The following SYNPO variants were observed in gnomAD, a reference collection of about 807,000 sequenced individuals.
SYNPO encodes the protein synaptopodin.
In SYNPO, 19 loss-of-function variants were observed where a neutral mutation model predicts 49.5. That is an observed-to-expected ratio of 0.38 (90% CI 0.27 to 0.56). The LOEUF (loss-of-function observed/expected upper bound fraction) is 0.56. SYNPO is among the 20% of genes least tolerant of loss of function. SYNPO has a pLI of 0.68. For missense variants in SYNPO, 1,131 were observed against 1,248.3 expected (o/e 0.91, Z 1.42); for synonymous variants, 536 against 548.0 (o/e 0.98, Z 0.31).
intron 1 of SYNPO, chr5:150,615,086 CTAT>C (rs1284922089): frequency 1.6e-4 from 25 of 152,348 alleles, no homozygotes; most frequent in African/African-American, 5.5e-4. Context: ...GTGGCAGCTG[CTAT>C]TATTGTTTCG....
At chr5:150,598,580 T>C (rs1213277239), upstream of SYNPO, among the ~76,000 whole-genome samples, 1 of 152,226 alleles carries the variant, frequency 6.6e-6, no homozygotes. Flanking sequence ...GCGGTTTTCT[T>C]ATTATTTTAT....
chr5:150,628,794 G>A (rs1273489977), intron 2 of SYNPO, among the ~76,000 whole-genome samples: 1 of 152,168 alleles, frequency 6.6e-6, no homozygotes, highest in African/African-American at 2.4e-5. Context: ...TGTAATCTCA[G>A]CTCCTCAGAA....
chr5:150,588,071 A>G, the SYNPO span, among the ~76,000 whole-genome samples: 2 of 152,216 alleles, frequency 1.3e-5, no homozygotes, highest in African/African-American at 4.8e-5. Flanking sequence ...ACAATGAGTC[A>G]GTGTACAGTA....
Position 150,649,607 on chromosome 5 carries a change from G to A in SYNPO, c.1332G>A (p.Ala444=), listed in dbSNP as rs775723716. ...CTCGTGACAGGGCCAGCCCCGCGGCGGCGGAGGAGGTGGTACCAGAGTGGG... is the reference window on the plus strand; with the variant it reads ...CTCGTGACAGGGCCAGCCCCGCGGCAGCGGAGGAGGTGGTACCAGAGTGGG... ...PAPRDRASPA[A]AEEVVPEWAS... Residue 444 remains alanine, a synonymous_variant, in exon 2 of 3, where the codon GCG becomes GCA. Coordinates refer to ENST00000307662, the MANE Select transcript of SYNPO (RefSeq NM_007286.6). The A allele has an allele frequency of 5.0e-5, 80 of 1,608,900 alleles. No homozygotes were observed. The highest frequency in any genetic ancestry group is 5.5e-5 in the Non-Finnish European group (65 of 1,179,062).
upstream of SYNPO, among the ~76,000 whole-genome samples, chr5:150,637,466 T>C (rs1052767039): frequency 6.6e-6 from 1 of 152,114 alleles, no homozygotes; most frequent in Non-Finnish European, 1.5e-5. Context: ...GCAACTTGAG[T>C]AATGAACATG....
chr5:150,604,935 TCCC>T (rs1756650120), intron 1 of SYNPO, among the ~76,000 whole-genome samples: 1 of 152,256 alleles, frequency 6.6e-6, no homozygotes, highest in East Asian at 1.9e-4. Context: ...TCCAGTCCCA[TCCC>T]CGCTCCCCAT....
At chr5:150,601,396 G>T (rs1010749642) in intron 1 of SYNPO, among the ~76,000 whole-genome samples, 2 of 152,126 alleles carry the variant, frequency 1.3e-5, no homozygotes, top group African/African-American at 4.8e-5. Context: ...CCCAGGCAGC[G>T]GGGCAGAGAC....
At chr5:150,618,699 T>A in exon 2 of SYNPO, 2 of 1,549,610 alleles carry the variant, frequency 1.3e-6, no homozygotes, top group Non-Finnish European at 1.7e-6. Context: ...TGGGATGTAG[T>A]GAAGGCCGGG....
chr5:150,620,882 T>C (rs1434876377), intron 2 of SYNPO, among the ~76,000 whole-genome samples: 1 of 149,250 alleles, frequency 6.7e-6, no homozygotes, highest in Non-Finnish European at 1.5e-5. Context: ...CCTTTCTTTT[T>C]CTTTTTTTCT....
rs1157493557 is a variant in SYNPO, at chr5:150,656,478, C to G, written c.2103C>G (p.Gly701=). The change falls in exon 3 of 3, where the codon GGC becomes GGG. Residue 701 remains glycine, a synonymous_variant. Transcript: ENST00000307662. ...CCCGGCCCCCCAGCAGCCTAGACGG[C>G]TGGGTGAGCCCGGGCCCGTGGGAGC... ...GASRPPSSLD[G]WVSPGPWEPG... is the part of the protein sequence containing the mutation. 23 of 1,532,606 alleles carry G rather than the reference C, an allele frequency of 1.5e-5. No homozygotes were observed. The highest frequency in any genetic ancestry group is 2.0e-5 in the Non-Finnish European group (23 of 1,145,540). 94.9% of individuals were successfully genotyped at this position (1,532,606 alleles called of 1,614,324 possible).
upstream of SYNPO, among the ~76,000 whole-genome samples, chr5:150,598,254 C>CG (rs1561627241): frequency 6.6e-6 from 1 of 152,118 alleles, no homozygotes; most frequent in Non-Finnish European, 1.5e-5. Context: ...AGAACAAGCA[C>CG]GGTGCTCAGC....
At chr5:150,641,264 GC>G (rs532667231) in intron 1 of SYNPO, among the ~76,000 whole-genome samples, 19 of 152,266 alleles carry the variant, frequency 1.2e-4, no homozygotes, top group African/African-American at 4.3e-4. Context: ...CCATTTTCCT[GC>G]CCCCAGCTGA....
chr5:150,623,508 C>T (rs1231869394), intron 2 of SYNPO, among the ~76,000 whole-genome samples: 1 of 152,064 alleles, frequency 6.6e-6, no homozygotes, highest in Non-Finnish European at 1.5e-5. Flanking sequence ...CCCAGGATCC[C>T]ACCCCCACCC....
chr5:150,656,737 G>GCGCCCCCGCCCCCGCCCC lies in SYNPO; in HGVS notation c.2366_2367insCCCGCCCCCGCCCCCGCC (p.Pro795_Pro800dup), dbSNP rs1295407232. The GCGCCCCCGCCCCCGCCCC allele has an allele frequency of 4.7e-5, 61 of 1,285,248 alleles. No homozygotes were observed. The African/African-American group carries it at 8.3e-4, about 17-fold the overall frequency. 79.6% of individuals were successfully genotyped at this position (1,285,248 alleles called of 1,614,324 possible). ...CCCGCGGCCCTTCTCCCCGCCGAGG[G>GCGCCCCCGCCCCCGCCCC]CGCCACCGCCCCCGCCCCCGCCCCC... On this transcript the variant is annotated inframe_insertion, in exon 3 of 3. Transcript: ENST00000307662.
upstream of SYNPO, among the ~76,000 whole-genome samples, chr5:150,600,286 G>T (rs1051504448): frequency 1.3e-5 from 2 of 152,256 alleles, no homozygotes; most frequent in African/African-American, 4.8e-5. Context: ...CGTCACCCCT[G>T]GATGGGTGCC....
At chr5:150,593,855 T>A in the SYNPO span, among the ~76,000 whole-genome samples, 1 of 152,080 alleles carries the variant, frequency 6.6e-6, no homozygotes, top group Non-Finnish European at 1.5e-5. Context: ...GTGTCTGGGT[T>A]TGGTGGGTAA....
At chr5:150,598,486 T>G (rs1756464603), upstream of SYNPO, among the ~76,000 whole-genome samples, 1 of 152,216 alleles carries the variant, frequency 6.6e-6, no homozygotes, top group African/African-American at 2.4e-5. Context: ...CCCTACCAGC[T>G]TTCTGGGGTT....
intron 2 of SYNPO, chr5:150,650,559 T>C (rs1758339281): frequency 1.4e-6 from 2 of 1,460,260 alleles, no homozygotes; most frequent in Non-Finnish European, 1.8e-6. Flanking sequence ...ACTCCATGTC[T>C]GAGCGGGGAG....
chr5:150,618,398 C>G lies in SYNPO; in HGVS notation c.31C>G (p.Leu11Val). Residue 11 changes from leucine (L) to valine (V), a missense_variant, in exon 2 of 3, where the codon CTT (leucine) becomes GTT (valine). Transcript: ENST00000394243. ...GGGTCCTCACCTCCCACCTCCGCCC[C>G]TTGCACCCAGCGAAGGGAGGCCTAC... The G allele has an allele frequency of 4.5e-6, 7 of 1,551,550 alleles. 1 individual carries two copies.
Sources: allele counts gnomAD v4.1 joint callset (sites outside exome capture counted in the v4.1 genomes callset), GRCh38; gene constraint gnomAD v4.1.1; transcripts MANE v1.5; gene names NCBI Gene and HGNC (gene_info 2026-07-23, HGNC 2026-07-21).